MEOX2: variants seen among roughly 807,000 people sequenced by gnomAD.
MEOX2 encodes the protein mesenchyme homeobox 2.
Under a neutral mutation model 27.0 loss-of-function variants are expected in MEOX2, and 11 were observed. That is an observed-to-expected ratio of 0.41 (90% CI 0.26 to 0.68). The LOEUF (loss-of-function observed/expected upper bound fraction) is 0.68. Ranked by LOEUF, MEOX2 falls within the 30% of genes least tolerant of loss-of-function variation. The pLI is 0.33. For synonymous variants in MEOX2, 189 were observed against 155.4 expected (o/e 1.22, Z -1.61); for missense variants, 436 against 385.4 (o/e 1.13, Z -1.10).
intron 2 of MEOX2, among the ~76,000 whole-genome samples, chr7:15,620,014 T>C (rs986226461): frequency 2.6e-5 from 4 of 152,036 alleles, no homozygotes; most frequent in Non-Finnish European, 5.9e-5. Context: ...GTTTTGAGTC[T>C]AGTTTTTGAT....
rs1174786261 is a variant in MEOX2 at position 15,612,173 on chromosome 7, C to G, written c.*214G>C. ...CCAAACACATCTGGAATATTCAAAG[C>G]AAGTTCACCTTCTCCATCTTCACTG... On this transcript the variant is annotated 3_prime_UTR_variant, in exon 3 of 3. Coordinates refer to ENST00000262041, the MANE Select transcript of MEOX2 (RefSeq NM_005924.5). 3 of 585,480 alleles carry G rather than the reference C, an allele frequency of 5.1e-6. No individual in the cohort carries two copies. Among genetic ancestry groups the G allele is most frequent in the East Asian group, 2.8e-5 (1 of 35,418 alleles). 36.3% of individuals were successfully genotyped at this position (585,480 alleles called of 1,614,324 possible).
intron 1 of MEOX2, among the ~76,000 whole-genome samples, chr7:15,650,234 C>A (rs1781714364): frequency 6.6e-6 from 1 of 152,028 alleles, no homozygotes; most frequent in African/African-American, 2.4e-5. Context: ...CCACAATTTT[C>A]CCAATTGTGG....
At chr7:15,670,621 T>C (rs1583786331) in intron 1 of MEOX2, among the ~76,000 whole-genome samples, 1 of 152,328 alleles carries the variant, frequency 6.6e-6, no homozygotes, top group Admixed American at 6.5e-5. Context: ...AGCCAAACAA[T>C]TGAATTTTTA....
chr7:15,670,534 T>C (rs1480331303), intron 1 of MEOX2, among the ~76,000 whole-genome samples: 1 of 152,190 alleles, frequency 6.6e-6, no homozygotes, highest in African/African-American at 2.4e-5. Context: ...CATATGAAAA[T>C]GTTCTATATT....
At position 15,686,232 on chromosome 7, in the gene MEOX2, C is replaced by G; in HGVS notation, c.171G>C (p.Glu57Asp). ...TGTGATGCTGGCTGGCAAACATGCC[C>G]TCTTCGTTGGGGTATCCCGCGATTA... ...SCIIAGYPNE[E>D]GMFASQHHRG... The change falls in exon 1 of 3, where the codon GAG (glutamate) becomes GAC (aspartate). Residue 57 changes from glutamate (E) to aspartate (D), a missense_variant. Coordinates refer to ENST00000262041, the MANE Select transcript of MEOX2 (RefSeq NM_005924.5). The G allele has an allele frequency of 6.2e-7, 1 of 1,612,218 alleles. No individual in the cohort carries two copies.
intron 1 of MEOX2, among the ~76,000 whole-genome samples, chr7:15,631,490 T>C (rs547196631): frequency 2.2e-4 from 33 of 152,022 alleles, no homozygotes; most frequent in African/African-American, 6.7e-4. Context: ...GTTAAAGGCA[T>C]TTAAGTTCAT....
At chr7:15,620,831 A>T (rs2115356364) in intron 2 of MEOX2, among the ~76,000 whole-genome samples, 1 of 152,328 alleles carries the variant, frequency 6.6e-6, no homozygotes, top group African/African-American at 2.4e-5. Flanking sequence ...TTATTCCAGT[A>T]ATCTTAACTA....
At chr7:15,667,288 T>TTAAAAAAAAAAAAAA (rs1785560408) in intron 1 of MEOX2, among the ~76,000 whole-genome samples, 1 of 6,028 alleles carries the variant, frequency 1.7e-4, no homozygotes, top group South Asian at 2.7e-3. Flanking sequence ...AGACTCTGTC[T>TTAAAAAAAAAAAAAA]CAAAAAAAAA....
chr7:15,623,130 G>A (rs1384446220), intron 2 of MEOX2, among the ~76,000 whole-genome samples: 1 of 152,054 alleles, frequency 6.6e-6, no homozygotes, highest in Non-Finnish European at 1.5e-5. Flanking sequence ...TACAGAAGAT[G>A]GATTTTAAAG....
chr7:15,631,243 A>T (rs921850339), intron 1 of MEOX2, among the ~76,000 whole-genome samples: 1 of 151,786 alleles, frequency 6.6e-6, no homozygotes, highest in African/African-American at 2.4e-5. Flanking sequence ...AAAAAAAAAA[A>T]TCATTGTACC....
intron 1 of MEOX2, among the ~76,000 whole-genome samples, chr7:15,633,301 AGCTCTTATG>A (rs371975900): frequency 1.3e-5 from 2 of 152,014 alleles, no homozygotes; most frequent in African/African-American, 4.8e-5. Flanking sequence ...CCTCCTACTC[AGCTCTTATG>A]TCAGCAAATG....
At chr7:15,637,070 C>A (rs1441092883) in intron 1 of MEOX2, among the ~76,000 whole-genome samples, 1 of 152,054 alleles carries the variant, frequency 6.6e-6, no homozygotes, top group African/African-American at 2.4e-5. Context: ...TAGAGACTAA[C>A]TTTAATATTC....
At chr7:15,652,358 G>A (rs920908251) in intron 1 of MEOX2, among the ~76,000 whole-genome samples, 5 of 151,928 alleles carry the variant, frequency 3.3e-5, no homozygotes, top group East Asian at 1.9e-4. Flanking sequence ...CAAAATGTAC[G>A]TGGCATAAAA....
intron 2 of MEOX2, among the ~76,000 whole-genome samples, chr7:15,614,896 T>C (rs1296978271): frequency 1.3e-5 from 2 of 152,146 alleles, no homozygotes; most frequent in Non-Finnish European, 2.9e-5. Flanking sequence ...TCACGATGCT[T>C]CATCAGCATG....
chr7:15,612,216 G>C lies in MEOX2; in HGVS notation c.*171C>G, dbSNP rs1216650751. ...CTTCACTGTGGAAGCTCTTTAATAA[G>C]TGGCACTTTGTGTAAACCCTCTATA... On this transcript the variant is annotated 3_prime_UTR_variant, in exon 3 of 3. Transcript: ENST00000262041. The C allele has an allele frequency of 8.1e-6, 5 of 618,884 alleles. No individual in the cohort carries two copies. In the East Asian group the frequency reaches 1.4e-4, roughly 17 times the overall value. 38.3% of individuals were successfully genotyped at this position (618,884 alleles called of 1,614,324 possible). A position where few individuals can be genotyped will look rare whatever the true frequency, so the allele number is the denominator to read the frequency against.
chr7:15,649,623 G>A (rs548324188), intron 1 of MEOX2, among the ~76,000 whole-genome samples: 4 of 152,116 alleles, frequency 2.6e-5, no homozygotes, highest in African/African-American at 9.6e-5. Context: ...GTGAGTATCT[G>A]GAATATAAAT....
intron 1 of MEOX2, among the ~76,000 whole-genome samples, chr7:15,640,816 G>A (rs1781548042): frequency 6.6e-6 from 1 of 152,060 alleles, no homozygotes; most frequent in Admixed American, 6.6e-5. Flanking sequence ...TGTTTACATA[G>A]TGAATCATAT....
At chr7:15,650,165 T>A (rs1386605246) in intron 1 of MEOX2, among the ~76,000 whole-genome samples, 1 of 152,080 alleles carries the variant, frequency 6.6e-6, no homozygotes, top group African/African-American at 2.4e-5. Flanking sequence ...GGTTTAGAGT[T>A]AAATTCCTCT....
intron 1 of MEOX2, among the ~76,000 whole-genome samples, chr7:15,673,818 T>A (rs2115392724): frequency 6.6e-6 from 1 of 152,234 alleles, no homozygotes; most frequent in Admixed American, 6.5e-5. Flanking sequence ...GAAAATCCTG[T>A]AGAAAACTTG....
Sources: gnomAD v4.1 joint callset for allele counts (sites outside exome capture counted in the v4.1 genomes callset) on GRCh38, gnomAD v4.1.1 for gene constraint, MANE v1.5 for transcripts, NCBI Gene and HGNC (gene_info 2026-07-23, HGNC 2026-07-21) for gene names.